The following AKT2 variants were observed in gnomAD, a reference collection of about 807,000 sequenced individuals.
AKT2 encodes the protein AKT serine/threonine kinase 2.
Under a neutral mutation model 58.6 loss-of-function variants are expected in AKT2, and 16 were observed. The observed-to-expected ratio is 0.27, with a 90% CI of 0.18 to 0.41. The LOEUF (loss-of-function observed/expected upper bound fraction) is 0.41. AKT2 is among the 10% of genes least tolerant of loss of function. The pLI, the probability that AKT2 is intolerant of heterozygous loss-of-function variation, is 1.00. For missense variants in AKT2, 438 were observed against 661.0 expected (o/e 0.66, Z 3.70); for synonymous variants, 253 against 254.0 (o/e 1.00, Z 0.04).
chr19:40,246,914 G>A (rs919999831), intron 4 of AKT2, among the ~76,000 whole-genome samples: 1 of 152,202 alleles, frequency 6.6e-6, no homozygotes, highest in African/African-American at 2.4e-5. Flanking sequence ...GCGGGCTGTC[G>A]GCGCAGAGCA....
At position 40,238,193 on chromosome 19, in the gene AKT2, G is replaced by A. The variant is rs916829097; in HGVS notation, c.709-102C>T. ...CCAGCGCAGTGATGTGGTGACACCT[G>A]TATCATGAACCAGCAAGTGACAGCT... is the stretch of plus-strand genomic sequence containing the variant. On this transcript the variant is annotated intron_variant, in intron 8 of 13. Transcript: ENST00000392038. This position sits in a 1 kb window ranked among gnomAD's most constrained non-coding sequence, Gnocchi z 5.1. 20 of 1,455,506 alleles carry A rather than the reference G, an allele frequency of 1.4e-5. No individual in the cohort carries two copies. The highest frequency in any genetic ancestry group is 1.8e-5 in the Non-Finnish European group (19 of 1,072,504). The allele number at this position is 1,455,506 out of a possible 1,614,324, so 90.2% of individuals were successfully genotyped here.
intron 2 of AKT2, among the ~76,000 whole-genome samples, chr19:40,258,145 T>C (rs552823794): frequency 1.3e-5 from 2 of 148,596 alleles, no homozygotes; most frequent in Admixed American, 6.9e-5. Flanking sequence ...CTTGGGAGGC[T>C]GAGGCAGGAG....
At chr19:40,249,712 A>G (rs188439440) in intron 4 of AKT2, among the ~76,000 whole-genome samples, 31 of 152,390 alleles carry the variant, frequency 2.0e-4, no homozygotes, top group African/African-American at 7.0e-4. Context: ...TTAATATATG[A>G]AAAGTCCTCG....
intron 1 of AKT2, among the ~76,000 whole-genome samples, chr19:40,268,006 C>G (rs1346205509): frequency 6.6e-6 from 1 of 152,070 alleles, no homozygotes; most frequent in East Asian, 1.9e-4. Flanking sequence ...GGACCTGAGG[C>G]AGGAGGGGGC....
intron 1 of AKT2, chr19:40,282,829 G>A (rs1475245231): frequency 4.1e-6 from 1 of 243,668 alleles, no homozygotes; most frequent in Non-Finnish European, 8.2e-6. Flanking sequence ...GGGCTGGGCA[G>A]AGTATATGCT....
At position 40,233,919 on chromosome 19, in the gene AKT2, G is replaced by T; in HGVS notation, c.1399C>A (p.Arg467=). ...TAGGAGAACTGGGGGAAGTGGGTCC[G>T]CTGGTCCAGCTCCAGTAAGCCCAGG... is the stretch of plus-strand genomic sequence containing the variant. ...DSLGLLELDQ[R]THFPQFSYSA... Residue 467 remains arginine (R), a synonymous_variant, in exon 14 of 14, where the codon CGG becomes AGG. Transcript: ENST00000392038. The surrounding 1 kb of genome is among the most constrained non-coding windows in gnomAD (Gnocchi z 4.3). 6.2e-7 allele frequency: 1 copy of T among 1,611,794 alleles called. No individual in the cohort carries two copies. The highest frequency in any genetic ancestry group is 8.5e-7 in the Non-Finnish European group (1 of 1,179,940).
chr19:40,236,548 C>A (rs1974040424), intron 9 of AKT2, 163 bp from the exon 10 acceptor site: 1 of 921,848 alleles, frequency 1.1e-6, no homozygotes, highest in Non-Finnish European at 1.7e-6. Flanking sequence ...CAGAGAGAGG[C>A]CAGATCCAAC....
chr19:40,277,706 G>T (rs995893073), intron 1 of AKT2, among the ~76,000 whole-genome samples: 1 of 152,110 alleles, frequency 6.6e-6, no homozygotes, highest in African/African-American at 2.4e-5. Context: ...CATCACAGGG[G>T]CTCCTCAGCA....
chr19:40,278,528 T>C (rs1600115226), intron 1 of AKT2, among the ~76,000 whole-genome samples: 2 of 152,080 alleles, frequency 1.3e-5, no homozygotes, highest in East Asian at 3.9e-4. Flanking sequence ...GTAGAGCTAA[T>C]ATGCAGCGTC....
At chr19:40,249,043 TGGA>T (rs1429054438) in intron 4 of AKT2, among the ~76,000 whole-genome samples, 3 of 140,368 alleles carry the variant, frequency 2.1e-5, no homozygotes, top group Non-Finnish European at 4.7e-5. Flanking sequence ...CAGGGAGGAG[TGGA>T]GGAGATGAGG....
At position 40,233,720 on chromosome 19, in the gene AKT2, G is replaced by A; in HGVS notation, c.*152C>T. 1.2e-6 allele frequency: 1 copy of A among 815,810 alleles called. No homozygotes were observed. Among genetic ancestry groups the A allele is most frequent in the Non-Finnish European group, 2.1e-6 (1 of 472,472 alleles). 50.5% of individuals were successfully genotyped at this position (815,810 alleles called of 1,614,324 possible). Reference sequence around the variant, plus strand: ...GGCAGGGGCTGCAGGGGCCGCTGGGGTGCGTCTGGGAGGGGCCTGAAGAAG... The same window carrying A: ...GGCAGGGGCTGCAGGGGCCGCTGGGATGCGTCTGGGAGGGGCCTGAAGAAG... On this transcript the variant is annotated 3_prime_UTR_variant, in exon 14 of 14. Transcript: ENST00000392038. This position sits in a 1 kb window ranked among gnomAD's most constrained non-coding sequence, Gnocchi z 4.3.
intron 1 of AKT2, 97 bp downstream of exon 1, chr19:40,285,084 G>T: frequency 2.7e-6 from 1 of 365,442 alleles, no homozygotes; most frequent in East Asian, 4.0e-5. Context: ...CGGTCCCCCC[G>T]CCGGGCACGG....
intron 9 of AKT2, 164 bp from the exon 10 acceptor site, chr19:40,236,549 C>T (rs931368210): frequency 9.7e-6 from 9 of 924,638 alleles, no homozygotes; most frequent in Non-Finnish European, 1.5e-5. Flanking sequence ...AGAGAGAGGC[C>T]AGATCCAACC....
chr19:40,250,268 C>G (rs547662980), intron 4 of AKT2, among the ~76,000 whole-genome samples: 1 of 149,442 alleles, frequency 6.7e-6, no homozygotes, highest in Non-Finnish European at 1.5e-5. Flanking sequence ...TTTGGGAGGC[C>G]GAGGCGGGCA....
intron 1 of AKT2, among the ~76,000 whole-genome samples, chr19:40,281,257 G>A (rs544281353): frequency 6.6e-6 from 1 of 152,232 alleles, no homozygotes; most frequent in Non-Finnish European, 1.5e-5. Flanking sequence ...TCAGGAGACT[G>A]AGGCAGGAGG....
At chr19:40,267,627 G>A (rs1164329597) in intron 1 of AKT2, among the ~76,000 whole-genome samples, 1 of 152,132 alleles carries the variant, frequency 6.6e-6, no homozygotes, top group East Asian at 1.9e-4. Flanking sequence ...CTTATCTAAT[G>A]AGCACATGAA....
intron 1 of AKT2, among the ~76,000 whole-genome samples, chr19:40,272,118 C>G (rs969417246): frequency 6.6e-6 from 1 of 152,234 alleles, no homozygotes; most frequent in African/African-American, 2.4e-5. Context: ...GGCAGACACT[C>G]CTACTGTTTC....
Position 40,255,277 on chromosome 19 carries a change from C to T in AKT2, c.176-8G>A, listed in dbSNP as rs1975455876. 1.9e-6 allele frequency: 3 copies of T among 1,611,402 alleles called. No individual in the cohort carries two copies. Among genetic ancestry groups the T allele is most frequent in the Non-Finnish European group, 2.5e-6 (3 of 1,177,768 alleles). On this transcript the variant is annotated splice_region_variant and splice_polypyrimidine_tract_variant and intron_variant, in intron 3 of 13. Transcript: ENST00000392038. ...TCTTCATCAGCTGGCATTCTGCAGG[C>T]AGAGGGAACAGACAGCAGGGGGCTG...
intron 4 of AKT2, among the ~76,000 whole-genome samples, chr19:40,246,023 C>T (rs993058624): frequency 2.0e-5 from 3 of 151,620 alleles, no homozygotes; most frequent in African/African-American, 7.3e-5. Context: ...CTTGCTTTAA[C>T]CCATGCCCCC....
Sources: gnomAD v4.1 joint callset for allele counts (sites outside exome capture counted in the v4.1 genomes callset) on GRCh38, gnomAD v4.1.1 for gene constraint, Gnocchi (gnomAD v3.1) non-coding constraint, MANE v1.5 for transcripts, NCBI Gene and HGNC (gene_info 2026-07-23, HGNC 2026-07-21) for gene names.